The following FBXL17 variants were observed in gnomAD, a reference collection of about 807,000 sequenced individuals.
FBXL17 encodes the protein F-box and leucine rich repeat protein 17, also known as F-box/LRR-repeat protein 17.
Under a neutral mutation model 66.2 loss-of-function variants are expected in FBXL17, and 22 were observed. That is an observed-to-expected ratio of 0.33 (90% CI 0.24 to 0.47). The LOEUF is 0.47. Among genes scored for constraint, FBXL17 ranks in the 20% least tolerant of loss-of-function variants. The pLI is 1.00. For missense variants in FBXL17, 878 were observed against 948.2 expected (o/e 0.93, Z 0.97); for synonymous variants, 474 against 400.5 (o/e 1.18, Z -2.19).
chr5:108,292,755 G>A (rs1176281909), intron 4 of FBXL17, among the ~76,000 whole-genome samples: 2 of 152,034 alleles, frequency 1.3e-5, no homozygotes, highest in Non-Finnish European at 1.5e-5. Context: ...ATATTTAATT[G>A]GGAAATACCA....
chr5:108,016,820 C>A (rs1404681634), intron 7 of FBXL17, among the ~76,000 whole-genome samples: 1 of 150,470 alleles, frequency 6.6e-6, no homozygotes, highest in Non-Finnish European at 1.5e-5. Context: ...GCTTTTGTCG[C>A]CCAGGCTGGA....
intron 4 of FBXL17, among the ~76,000 whole-genome samples, chr5:108,289,196 G>A (rs909717000): frequency 2.0e-5 from 3 of 152,018 alleles, no homozygotes; most frequent in South Asian, 2.1e-4. Context: ...TAACACACAC[G>A]AAGTACCTGG....
rs1204957886 is a variant in FBXL17 at position 108,198,143 on chromosome 5, G to GTCT, written c.1615-11897_1615-11896insAGA. ...AGGCCCCCGTCAACAGGTCCCTATG[G>GTCT]CTTCTCTCTGTAGAAGAGGTTTACT... is the stretch of plus-strand genomic sequence containing the variant. On this transcript the variant is annotated intron_variant, in intron 5 of 8. Transcript: ENST00000542267. Among the ~76,000 whole-genome samples the GTCT allele has an allele frequency of 5.3e-5, 8 of 152,196 alleles. No homozygotes were observed. In the East Asian group the frequency reaches 1.2e-3, roughly 22 times the overall value.
chr5:108,227,168 G>C (rs1335667243), intron 4 of FBXL17, among the ~76,000 whole-genome samples: 1 of 152,106 alleles, frequency 6.6e-6, no homozygotes, highest in Non-Finnish European at 1.5e-5. Flanking sequence ...ACTCAGAGCT[G>C]AAAGGAGTGG....
intron 4 of FBXL17, among the ~76,000 whole-genome samples, chr5:108,251,431 T>C (rs1026112693): frequency 6.6e-6 from 1 of 152,030 alleles, no homozygotes; most frequent in African/African-American, 2.4e-5. Context: ...TTCCCTTTCA[T>C]TTTGGGCCTT....
At chr5:108,308,033 C>T (rs1249170436) in intron 4 of FBXL17, among the ~76,000 whole-genome samples, 2 of 152,070 alleles carry the variant, frequency 1.3e-5, no homozygotes, top group African/African-American at 4.8e-5. Flanking sequence ...TACTGCCTCA[C>T]AGATTCAGGT....
At position 107,873,856 on chromosome 5, in the gene FBXL17, A is replaced by G. The variant is rs189756534; in HGVS notation, c.1965+7181T>C. 1.5e-3 allele frequency among the ~76,000 whole-genome samples: 225 copies of G among 152,330 alleles called. 1 individual carries two copies. The highest frequency in any genetic ancestry group is 6.8e-3 in the Middle Eastern group (2 of 294). On this transcript the variant is annotated intron_variant, in intron 8 of 8. Coordinates refer to ENST00000542267, the MANE Select transcript of FBXL17 (RefSeq NM_001163315.3). ...CCTTCAGGCAAACTTCAACACAGCA[A>G]TCTATTCACCCTACAGTATTTGGGG...
intron 4 of FBXL17, among the ~76,000 whole-genome samples, chr5:108,252,604 T>C (rs1248554203): frequency 6.6e-6 from 1 of 152,164 alleles, no homozygotes; most frequent in Non-Finnish European, 1.5e-5. Context: ...ATTGGTTATC[T>C]GTAAGTTGGC....
intron 7 of FBXL17, among the ~76,000 whole-genome samples, chr5:107,998,226 C>A (rs1283226686): frequency 2.0e-5 from 3 of 152,160 alleles, no homozygotes; most frequent in Non-Finnish European, 4.4e-5. Flanking sequence ...TCACTGTTTT[C>A]AATGTGGCTA....
rs542462564 is a variant in FBXL17 at position 108,352,808 on chromosome 5, C to T, written c.1375-4278G>A. 9.2e-5 allele frequency among the ~76,000 whole-genome samples: 14 copies of T among 152,250 alleles called. No homozygotes were observed. In the South Asian group the frequency reaches 1.0e-3, roughly 11 times the overall value. On this transcript the variant is annotated intron_variant, in intron 3 of 8. Transcript: ENST00000542267. ...ACAGGCGTGAGCCACTGCGCCTGGA[C>T]GAATATAATTCTTCTAAATAAAAAA...
chr5:108,365,028 T>C, intron 2 of FBXL17, 33 bp from the exon 3 acceptor site: 3 of 1,526,724 alleles, frequency 2.0e-6, no homozygotes, highest in Non-Finnish European at 2.7e-6. Flanking sequence ...TTTAAACTTT[T>C]GCTAAAAATA....
rs181818100 is a variant in FBXL17 at position 108,002,632 on chromosome 5, G to A, written c.1822+18293C>T. Among the ~76,000 whole-genome samples, 15 of 152,110 alleles carry A rather than the reference G, an allele frequency of 9.9e-5. No homozygotes were observed. In the East Asian group the frequency reaches 2.9e-3, roughly 29 times the overall value. ...GTGAAAAAGTAGAAATAACCCAAATGTCCATCAACTGGTGAAAGGATAAAA... is the reference window on the plus strand; with the variant it reads ...GTGAAAAAGTAGAAATAACCCAAATATCCATCAACTGGTGAAAGGATAAAA... On this transcript the variant is annotated intron_variant, in intron 7 of 8. Transcript: ENST00000542267.
At chr5:108,331,285 T>G (rs1347542193) in intron 4 of FBXL17, among the ~76,000 whole-genome samples, 2 of 152,184 alleles carry the variant, frequency 1.3e-5, no homozygotes, top group Admixed American at 1.3e-4. Context: ...AAGGCAGATA[T>G]GAGCACACAT....
chr5:108,075,389 T>C (rs927864047), intron 6 of FBXL17, among the ~76,000 whole-genome samples: 9 of 152,224 alleles, frequency 5.9e-5, no homozygotes, highest in South Asian at 2.1e-4. Flanking sequence ...TGCCACTGTT[T>C]TCTCTAAAAT....
At chr5:108,209,111 T>A (rs1009729394) in intron 5 of FBXL17, among the ~76,000 whole-genome samples, 1 of 152,200 alleles carries the variant, frequency 6.6e-6, no homozygotes, top group African/African-American at 2.4e-5. Context: ...GGCTCTCTGT[T>A]AGTCTGTTAT....
intron 4 of FBXL17, among the ~76,000 whole-genome samples, chr5:108,341,190 T>C (rs545128462): frequency 8.5e-5 from 13 of 152,302 alleles, no homozygotes; most frequent in East Asian, 1.9e-4. Flanking sequence ...ATACCCATTA[T>C]GGCTAGATCT....
At position 107,915,244 on chromosome 5, in the gene FBXL17, A is replaced by G. The variant is rs182023812; in HGVS notation, c.1823-34065T>C. 5.3e-5 allele frequency among the ~76,000 whole-genome samples: 8 copies of G among 152,328 alleles called. No homozygotes were observed. The East Asian group carries it at 1.4e-3, about 26-fold the overall frequency. ...TCAACCATTACAAGCTGCATAAAAC[A>G]TAAGTAAAACATTTTTGCCAATTTT... is the stretch of plus-strand genomic sequence containing the variant. On this transcript the variant is annotated intron_variant, in intron 7 of 8. Coordinates refer to ENST00000542267, the MANE Select transcript of FBXL17 (RefSeq NM_001163315.3).
chr5:108,076,515 T>C (rs901172231), intron 6 of FBXL17, among the ~76,000 whole-genome samples: 1 of 151,936 alleles, frequency 6.6e-6, no homozygotes, highest in Non-Finnish European at 1.5e-5. Flanking sequence ...AATTTGTTTT[T>C]GTTAAGAAAG....
In FBXL17 at chr5:108,189,907, C is replaced by G. The variant is rs200124467; in HGVS notation, c.1615-3660G>C. ...TACAACCACGAGGAACTGAATTCTT[C>G]AAGCCACTACATGAGCTTGTAAGAA... On this transcript the variant is annotated intron_variant, in intron 5 of 8. Coordinates refer to ENST00000542267, the MANE Select transcript of FBXL17 (RefSeq NM_001163315.3). Among the ~76,000 whole-genome samples, 6 of 152,196 alleles carry G rather than the reference C, an allele frequency of 3.9e-5. No individual in the cohort carries two copies. The East Asian group carries it at 1.2e-3, about 29-fold the overall frequency.
Sources: gnomAD v4.1 joint callset for allele counts (sites outside exome capture counted in the v4.1 genomes callset) on GRCh38, gnomAD v4.1.1 for gene constraint, MANE v1.5 for transcripts, NCBI Gene and HGNC (gene_info 2026-07-23, HGNC 2026-07-21) for gene names.